The following DMRT1 variants were observed in gnomAD, a reference collection of about 807,000 sequenced individuals.
The protein encoded by DMRT1 is doublesex and mab-3 related transcription factor 1.
In DMRT1, 7 loss-of-function variants were observed where a neutral mutation model predicts 32.3. That is an observed-to-expected ratio of 0.22 (90% CI 0.12 to 0.41). The LOEUF (loss-of-function observed/expected upper bound fraction) is 0.41. Among genes scored for constraint, DMRT1 ranks in the 10% least tolerant of loss-of-function variants. The probability of loss-of-function intolerance (pLI) is 1.00; values close to 1 mark genes in which losing one functional copy is unlikely to be tolerated. For synonymous variants in DMRT1, 278 were observed against 206.1 expected (o/e 1.35, Z -2.99); for missense variants, 625 against 500.5 (o/e 1.25, Z -2.37).
At chr9:938,961 A>G (rs1217444769) in intron 4 of DMRT1, among the ~76,000 whole-genome samples, 3 of 152,236 alleles carry the variant, frequency 2.0e-5, no homozygotes, top group Non-Finnish European at 1.5e-5. Context: ...TCATTAATCT[A>G]TGAAGAAGTG....
intron 4 of DMRT1, among the ~76,000 whole-genome samples, chr9:931,430 G>A (rs996942794): frequency 2.6e-4 from 40 of 152,230 alleles, no homozygotes; most frequent in African/African-American, 9.6e-4. Context: ...ACATTGAGCA[G>A]TCCAGGCTGT....
At chr9:942,075 A>G (rs1001907818) in intron 4 of DMRT1, among the ~76,000 whole-genome samples, 3 of 152,216 alleles carry the variant, frequency 2.0e-5, no homozygotes, top group Non-Finnish European at 4.4e-5. Context: ...ATTCTCTGGG[A>G]CATTTTAAGT....
At chr9:929,297 C>T (rs1818630800) in intron 4 of DMRT1, among the ~76,000 whole-genome samples, 1 of 151,862 alleles carries the variant, frequency 6.6e-6, no homozygotes, top group Non-Finnish European at 1.5e-5. Flanking sequence ...AGGGTGGTTT[C>T]AGTTTTTTTC....
chr9:883,772 G>A (rs902674027), intron 2 of DMRT1, among the ~76,000 whole-genome samples: 1 of 150,614 alleles, frequency 6.6e-6, no homozygotes, highest in African/African-American at 2.5e-5. Context: ...AGCCTGGGCG[G>A]AGCAAGACCT....
intron 2 of DMRT1, among the ~76,000 whole-genome samples, chr9:861,510 ATTTCCCCCT>A (rs1451653029): frequency 6.6e-6 from 1 of 152,018 alleles, no homozygotes; most frequent in Non-Finnish European, 1.5e-5. Context: ...TTTTCCCCAC[ATTTCCCCCT>A]TTTCTATTCG....
intron 4 of DMRT1, among the ~76,000 whole-genome samples, chr9:935,474 C>T (rs1818855861): frequency 1.3e-5 from 2 of 152,338 alleles, no homozygotes; most frequent in East Asian, 1.9e-4. Flanking sequence ...TGGCTCTGCT[C>T]CTTGTCAGCC....
chr9:862,963 T>C (rs1478400299), intron 2 of DMRT1, among the ~76,000 whole-genome samples: 1 of 151,880 alleles, frequency 6.6e-6, no homozygotes, highest in Non-Finnish European at 1.5e-5. Context: ...AGTCTTGAGA[T>C]GAGTGAGATG....
intron 2 of DMRT1, among the ~76,000 whole-genome samples, chr9:885,547 A>G (rs77937452): frequency 0.027 from 4,139 of 152,242 alleles, 154 homozygotes; most frequent in African/African-American, 0.093. Flanking sequence ...GCCAGTGCCT[A>G]TCAGTCTGCT....
At chr9:967,477 G>A (rs1819966272) in intron 4 of DMRT1, among the ~76,000 whole-genome samples, 1 of 151,968 alleles carries the variant, frequency 6.6e-6, no homozygotes, top group Admixed American at 6.5e-5. Flanking sequence ...CCCCGTCTTT[G>A]TCCTGTTATG....
intron 2 of DMRT1, among the ~76,000 whole-genome samples, chr9:874,683 C>T (rs1396764654): frequency 1.3e-5 from 2 of 152,056 alleles, no homozygotes; most frequent in Non-Finnish European, 2.9e-5. Flanking sequence ...TTTAGGTATG[C>T]ATCCTCTCTG....
chr9:869,909 G>A (rs1250547948), intron 2 of DMRT1, among the ~76,000 whole-genome samples: 1 of 152,070 alleles, frequency 6.6e-6, no homozygotes, highest in Non-Finnish European at 1.5e-5. Flanking sequence ...GAGTTGGTGG[G>A]CGTCCTAGTT....
rs148106721 is a variant in DMRT1 at position 937,360 on chromosome 9, C to G, written c.967+20453C>G. ...GCTTTCAGTTCTTCTGGATATATATCTAGAAGTAGAATTGCTGCGTTAAAT... is the reference window on the plus strand; with the variant it reads ...GCTTTCAGTTCTTCTGGATATATATGTAGAAGTAGAATTGCTGCGTTAAAT... On this transcript the variant is annotated intron_variant, in intron 4 of 4. Transcript: ENST00000382276. Among the ~76,000 whole-genome samples, 44 of 152,304 alleles carry G rather than the reference C, an allele frequency of 2.9e-4. 1 individual carries two copies. The East Asian group carries it at 5.8e-3, about 20-fold the overall frequency.
intron 2 of DMRT1, among the ~76,000 whole-genome samples, chr9:863,582 T>A (rs912060): frequency 0.94 from 142,783 of 152,236 alleles, 67,045 homozygotes; most frequent in African/African-American, 0.98. Context: ...AATTCTGCCA[T>A]CTAACTGATT....
intron 4 of DMRT1, among the ~76,000 whole-genome samples, chr9:918,479 A>G (rs1818253350): frequency 6.6e-6 from 1 of 151,050 alleles, no homozygotes; most frequent in East Asian, 2.0e-4. Context: ...ATTTGAATTT[A>G]TGGCAGAAAA....
At chr9:964,662 C>T (rs560771778) in intron 4 of DMRT1, among the ~76,000 whole-genome samples, 1 of 152,076 alleles carries the variant, frequency 6.6e-6, no homozygotes, top group East Asian at 1.9e-4. Flanking sequence ...GTGCAGCTGG[C>T]CCCAACTCCC....
intron 2 of DMRT1, among the ~76,000 whole-genome samples, chr9:853,006 G>C (rs1316299538): frequency 2.6e-5 from 4 of 152,192 alleles, no homozygotes; most frequent in Non-Finnish European, 5.9e-5. Flanking sequence ...AAATGGAATA[G>C]TATCCCATGC....
intron 2 of DMRT1, among the ~76,000 whole-genome samples, chr9:886,835 TTC>T (rs1816950208): frequency 6.6e-6 from 1 of 152,214 alleles, no homozygotes; most frequent in South Asian, 2.1e-4. Flanking sequence ...TATTGCTGGC[TTC>T]TCTCTGGGGA....
chr9:854,375 T>C (rs7856727), intron 2 of DMRT1, among the ~76,000 whole-genome samples: 64,346 of 151,620 alleles, frequency 0.42, 13,838 homozygotes, highest in East Asian at 0.59. Context: ...ACCTCCACTT[T>C]CCAGATCAAG....
chr9:916,012 C>T (rs913368431), intron 3 of DMRT1, among the ~76,000 whole-genome samples: 4 of 152,124 alleles, frequency 2.6e-5, no homozygotes, highest in Non-Finnish European at 5.9e-5. Flanking sequence ...GGATTACAGA[C>T]GTGAGCCACT....
Sources: gnomAD v4.1 joint callset for allele counts (sites outside exome capture counted in the v4.1 genomes callset) on GRCh38, gnomAD v4.1.1 for gene constraint, MANE v1.5 for transcripts, NCBI Gene and HGNC (gene_info 2026-07-23, HGNC 2026-07-21) for gene names.